PRKG1: variants seen among roughly 807,000 people sequenced by gnomAD.
PRKG1 encodes protein kinase cGMP-dependent 1.
Under a neutral mutation model 88.1 loss-of-function variants are expected in PRKG1, and 35 were observed. The observed-to-expected ratio is 0.40, with a 90% confidence interval of 0.30 to 0.53. PRKG1 has a LOEUF of 0.53. PRKG1 is among the 20% of genes least tolerant of loss of function. The probability of loss-of-function intolerance (pLI) is 0.59; values close to 1 mark genes in which losing one functional copy is unlikely to be tolerated. For missense variants in PRKG1, 540 were observed against 839.8 expected, an observed-to-expected ratio of 0.64 and a Z score of 4.41; for synonymous variants, 303 against 292.5, an observed-to-expected ratio of 1.04 and a Z score of -0.37.
At position 51,057,849 on chromosome 10, in the gene PRKG1, A is replaced by T. The variant is rs571610984; in HGVS notation, c.266+66205A>T. Among the ~76,000 whole-genome samples, 7 of 152,278 alleles carry T rather than the reference A, an allele frequency of 4.6e-5. No individual in the cohort carries two copies. In the South Asian group the frequency reaches 1.4e-3, roughly 32 times the overall value. On this transcript the variant is annotated intron_variant, in intron 1 of 17. Transcript: ENST00000401604. ...CTTGCACACATTATTTGGTGATAAT[A>T]GGTATGTATTTCTCTTGGAGATATC...
intron 7 of PRKG1, among the ~76,000 whole-genome samples, chr10:52,132,678 CTT>C (rs1277465045): frequency 6.6e-6 from 1 of 152,044 alleles, no homozygotes; most frequent in Non-Finnish European, 1.5e-5. Flanking sequence ...GTACCTATCT[CTT>C]TAATATATTT....
intron 3 of PRKG1, among the ~76,000 whole-genome samples, chr10:51,511,175 A>G (rs538378536): frequency 6.6e-6 from 1 of 152,298 alleles, no homozygotes; most frequent in East Asian, 1.9e-4. Flanking sequence ...CTAGACTCCT[A>G]TAACATTTAC....
intron 6 of PRKG1, among the ~76,000 whole-genome samples, chr10:52,060,002 CAT>C (rs1846199380): frequency 6.6e-6 from 1 of 151,630 alleles, no homozygotes; most frequent in African/African-American, 2.4e-5. Flanking sequence ...GAAAGAGAAA[CAT>C]ATTGGGAGTT....
chr10:51,941,837 T>C (rs1472328968), intron 5 of PRKG1, among the ~76,000 whole-genome samples: 2 of 152,012 alleles, frequency 1.3e-5, no homozygotes, highest in African/African-American at 4.8e-5. Flanking sequence ...CCACATTTTC[T>C]TAATCCAGTC....
At chr10:51,153,406 G>A in intron 2 of PRKG1, 76 bp downstream of exon 2, 1 of 1,323,458 alleles carries the variant, frequency 7.6e-7, no homozygotes, top group Non-Finnish European at 1.0e-6. Flanking sequence ...AGATGGCAAT[G>A]CATTACATGG....
chr10:51,289,735 G>C (rs1443340650), intron 2 of PRKG1, among the ~76,000 whole-genome samples: 1 of 151,838 alleles, frequency 6.6e-6, no homozygotes, highest in Non-Finnish European at 1.5e-5. Flanking sequence ...GGTGTGGGTG[G>C]TTAGGTGGGT....
At chr10:51,603,782 A>C (rs1487170350) in intron 3 of PRKG1, among the ~76,000 whole-genome samples, 2 of 152,198 alleles carry the variant, frequency 1.3e-5, no homozygotes, top group African/African-American at 4.8e-5. Flanking sequence ...GTGACCAGGT[A>C]AGGTGATGAC....
intron 1 of PRKG1, among the ~76,000 whole-genome samples, chr10:51,035,760 A>C (rs1843344967): frequency 6.6e-6 from 1 of 152,190 alleles, no homozygotes. Context: ...GAAACAACGG[A>C]GCTTAAAAAA....
rs538024195 is a variant in PRKG1 at position 52,137,370 on chromosome 10, G to T, written c.1001+3465G>T. Reference sequence around the variant, plus strand: ...AAAATTTATGAATATTGTATAAAAAGAATATTAGTCTAACAGAACCATCCA... The same window carrying T: ...AAAATTTATGAATATTGTATAAAAATAATATTAGTCTAACAGAACCATCCA... On this transcript the variant is annotated intron_variant, in intron 8 of 17. Coordinates refer to ENST00000373980, the MANE Select transcript of PRKG1 (RefSeq NM_006258.4). Among the ~76,000 whole-genome samples, 4 of 151,956 alleles carry T rather than the reference G, an allele frequency of 2.6e-5. No homozygotes were observed. In the South Asian group the frequency reaches 8.3e-4, roughly 32 times the overall value.
chr10:51,552,171 AAC>A (rs1837155886), intron 3 of PRKG1, among the ~76,000 whole-genome samples: 1 of 151,692 alleles, frequency 6.6e-6, no homozygotes, highest in Non-Finnish European at 1.5e-5. Flanking sequence ...GTATTATATA[AAC>A]ACTAGAAAAA....
intron 13 of PRKG1, 85 bp from the exon 14 acceptor site, chr10:52,282,068 C>T: frequency 8.0e-7 from 1 of 1,246,982 alleles, no homozygotes; most frequent in Non-Finnish European, 1.1e-6. Flanking sequence ...AAATTATTAT[C>T]ATCATCAGTG....
intron 3 of PRKG1, among the ~76,000 whole-genome samples, chr10:51,517,744 A>G (rs568833958): frequency 1.3e-5 from 2 of 152,270 alleles, no homozygotes; most frequent in East Asian, 3.9e-4. Context: ...TGACTAATGT[A>G]TATGGGAACA....
Position 51,795,518 on chromosome 10 carries a change from T to G in PRKG1, c.593-9067T>G, listed in dbSNP as rs992813612. 4.6e-5 allele frequency among the ~76,000 whole-genome samples: 7 copies of G among 152,210 alleles called. No homozygotes were observed. In the East Asian group the frequency reaches 7.7e-4, roughly 17 times the overall value. ...AAATGGCCTTTCTAATTATGAAGCA[T>G]TTGTCTCAGAACATTCCGGCAGTTA... On this transcript the variant is annotated intron_variant, in intron 3 of 17. Coordinates refer to ENST00000373980, the MANE Select transcript of PRKG1 (RefSeq NM_006258.4).
chr10:51,739,693 C>A (rs568848829), intron 3 of PRKG1, among the ~76,000 whole-genome samples: 1 of 152,194 alleles, frequency 6.6e-6, no homozygotes, highest in Admixed American at 6.5e-5. Context: ...AACCACTAGG[C>A]CAGGCGTGGT....
chr10:51,620,705 A>G (rs1839183357), intron 3 of PRKG1, among the ~76,000 whole-genome samples: 1 of 152,052 alleles, frequency 6.6e-6, no homozygotes, highest in Non-Finnish European at 1.5e-5. Flanking sequence ...TAAGTTATGT[A>G]CAAGTCAGGT....
intron 1 of PRKG1, among the ~76,000 whole-genome samples, chr10:51,003,998 A>C (rs368100106): frequency 1.3e-5 from 2 of 152,184 alleles, no homozygotes; most frequent in Non-Finnish European, 2.9e-5. Flanking sequence ...CAATGCTGCA[A>C]TTGATATTGT....
chr10:51,891,847 C>T (rs1467776518), intron 4 of PRKG1, among the ~76,000 whole-genome samples: 2 of 152,124 alleles, frequency 1.3e-5, no homozygotes, highest in Non-Finnish European at 2.9e-5. Flanking sequence ...GTTTGGTGAT[C>T]TAGGGATGAA....
intron 4 of PRKG1, among the ~76,000 whole-genome samples, chr10:51,905,420 G>A (rs572296913): frequency 1.3e-5 from 2 of 152,124 alleles, no homozygotes; most frequent in Non-Finnish European, 2.9e-5. Context: ...TTCTTTTATG[G>A]TATCATTGTA....
chr10:51,697,942 G>GT (rs1841344095), intron 3 of PRKG1: 1 of 1,597,898 alleles, frequency 6.3e-7, no homozygotes, highest in African/African-American at 1.3e-5. Context: ...CTTGTATACT[G>GT]ACTCCTTGTA....
Sources: gnomAD v4.1 joint callset for allele counts (sites outside exome capture counted in the v4.1 genomes callset) on GRCh38, gnomAD v4.1.1 for gene constraint, MANE v1.5 for transcripts, NCBI Gene and HGNC (gene_info 2026-07-23, HGNC 2026-07-21) for gene names.